TRAPPC9: variants seen among roughly 807,000 people sequenced by gnomAD.
The protein encoded by TRAPPC9 is IKK2 binding protein.
Under a neutral mutation model 124.0 loss-of-function variants are expected in TRAPPC9, and 83 were observed. The ratio of observed to expected loss-of-function variants is 0.67; its 90% confidence interval spans 0.56 to 0.80. The LOEUF is 0.80. Among genes scored for constraint, TRAPPC9 ranks in the 30% least tolerant of loss-of-function variants. TRAPPC9 has a pLI of 0.00. For synonymous variants in TRAPPC9, 638 were observed against 617.5 expected (o/e 1.03, Z -0.49); for missense variants, 1,302 against 1,508.3 (o/e 0.86, Z 2.27).
chr8:140,378,520 C>T (rs900659942), intron 7 of TRAPPC9, among the ~76,000 whole-genome samples: 4 of 152,092 alleles, frequency 2.6e-5, no homozygotes, highest in African/African-American at 4.8e-5. Context: ...AGCTTGCAGA[C>T]GGCCTATTGT....
At chr8:140,041,840 C>T (rs986430563) in intron 17 of TRAPPC9, among the ~76,000 whole-genome samples, 7 of 152,046 alleles carry the variant, frequency 4.6e-5, no homozygotes, top group East Asian at 1.9e-4. Context: ...GGTGTGGTGG[C>T]GTGTACCTAT....
At chr8:140,359,366 A>G (rs541628719) in intron 9 of TRAPPC9, among the ~76,000 whole-genome samples, 8 of 152,224 alleles carry the variant, frequency 5.3e-5, no homozygotes, top group South Asian at 4.1e-4. Flanking sequence ...CTGAGCCCCA[A>G]GCGCGTAGGG....
At chr8:140,310,953 G>C (rs898926232) in intron 10 of TRAPPC9, among the ~76,000 whole-genome samples, 1 of 152,020 alleles carries the variant, frequency 6.6e-6, no homozygotes, top group Non-Finnish European at 1.5e-5. Flanking sequence ...TTTCCACCAC[G>C]GTGTAGTGGT....
chr8:140,443,260 C>A (rs1346131930), intron 2 of TRAPPC9, among the ~76,000 whole-genome samples: 2 of 148,894 alleles, frequency 1.3e-5, no homozygotes, highest in Admixed American at 6.8e-5. Context: ...ATGATGAAAC[C>A]CCGTCTCTAC....
rs1048221360 is a variant in TRAPPC9 at position 140,065,790 on chromosome 8, G to C, written c.2557-41711C>G. Among the ~76,000 whole-genome samples, 7 of 152,354 alleles carry C rather than the reference G, an allele frequency of 4.6e-5. 1 individual carries two copies. The highest frequency in any genetic ancestry group is 1.7e-4 in the African/African-American group (7 of 41,584). On this transcript the variant is annotated intron_variant, in intron 17 of 22. Transcript: ENST00000438773. ...ACCACGTCACGTAAGACAGCTGATG[G>C]AGATGTACAAGAAGGTGAATGTTGT...
rs918885070 is a variant in TRAPPC9, at chr8:139,925,415, G to A, written c.2811-15115C>T. On this transcript the variant is annotated intron_variant, in intron 19 of 22. Transcript: ENST00000438773. ...CTGCATAGAAACCTGCAGAAATCTC[G>A]GATTGATCCCTGAGCAAAACAGACC... is the stretch of plus-strand genomic sequence containing the variant. Among the ~76,000 whole-genome samples the A allele has an allele frequency of 1.6e-4, 25 of 152,122 alleles. 1 individual carries two copies. The highest frequency in any genetic ancestry group is 8.3e-4 in the South Asian group (4 of 4,818).
chr8:140,338,073 C>G (rs1037282797), intron 9 of TRAPPC9, among the ~76,000 whole-genome samples: 2 of 152,160 alleles, frequency 1.3e-5, no homozygotes, highest in African/African-American at 4.8e-5. Context: ...CAGATCCCTG[C>G]CACTTAGAAG....
intron 17 of TRAPPC9, among the ~76,000 whole-genome samples, chr8:140,108,517 C>T (rs2060707758): frequency 6.6e-6 from 1 of 152,110 alleles, no homozygotes; most frequent in African/African-American, 2.4e-5. Context: ...CTCCCGCTCG[C>T]CCCCCTTGCC....
At chr8:140,330,105 T>C (rs544798037) in intron 9 of TRAPPC9, among the ~76,000 whole-genome samples, 1 of 151,892 alleles carries the variant, frequency 6.6e-6, no homozygotes, top group East Asian at 1.9e-4. Flanking sequence ...ACCTCAATGC[T>C]ATATGTTCAC....
intron 9 of TRAPPC9, among the ~76,000 whole-genome samples, chr8:140,346,213 T>C (rs893912826): frequency 6.6e-6 from 1 of 151,800 alleles, no homozygotes. Context: ...AGGGTGAGGG[T>C]GTGGGAAGCA....
chr8:139,736,094 C>G (rs1282942852), intron 21 of TRAPPC9, among the ~76,000 whole-genome samples: 1 of 152,204 alleles, frequency 6.6e-6, no homozygotes, highest in Non-Finnish European at 1.5e-5. Flanking sequence ...ATCTTGACCT[C>G]CCAGACTGGG....
intron 21 of TRAPPC9, among the ~76,000 whole-genome samples, chr8:139,873,943 G>A (rs1829159542): frequency 6.6e-6 from 1 of 152,236 alleles, no homozygotes; most frequent in Admixed American, 6.5e-5. Flanking sequence ...CAGGACTGGA[G>A]CGCACATCCT....
intron 17 of TRAPPC9, among the ~76,000 whole-genome samples, chr8:140,088,452 C>T (rs988848083): frequency 2.6e-5 from 4 of 152,234 alleles, no homozygotes; most frequent in Admixed American, 6.5e-5. Flanking sequence ...TGGCAAGCCT[C>T]ATCTCCGCTT....
intron 21 of TRAPPC9, among the ~76,000 whole-genome samples, chr8:139,866,849 C>T (rs762804306): frequency 1.1e-4 from 17 of 152,150 alleles, no homozygotes; most frequent in African/African-American, 2.2e-4. Flanking sequence ...GGAACAGCAA[C>T]ATCCCAATAT....
At chr8:140,150,669 T>G (rs888060600) in intron 17 of TRAPPC9, among the ~76,000 whole-genome samples, 1 of 152,094 alleles carries the variant, frequency 6.6e-6, no homozygotes, top group African/African-American at 2.4e-5. Context: ...AAAGATCACA[T>G]GGGTGACAAC....
rs113072129 is a variant in TRAPPC9 at position 140,300,212 on chromosome 8, G to C, written c.1768+257C>G. ...ACATCTGTGCACACATCCACACATG[G>C]ACACATGTAAACACACATATGCATG... is the stretch of plus-strand genomic sequence containing the variant. On this transcript the variant is annotated intron_variant, in intron 11 of 22. Coordinates refer to ENST00000438773, the MANE Select transcript of TRAPPC9 (RefSeq NM_001160372.4). 0.033 allele frequency among the ~76,000 whole-genome samples: 5,065 copies of C among 151,840 alleles called. 285 individuals are homozygous for C. The highest frequency in any genetic ancestry group is 0.11 in the African/African-American group (4,730 of 41,384).
intron 21 of TRAPPC9, among the ~76,000 whole-genome samples, chr8:139,774,282 G>A (rs1333069373): frequency 6.6e-6 from 1 of 152,240 alleles, no homozygotes; most frequent in Non-Finnish European, 1.5e-5. Flanking sequence ...ACACCGAGTA[G>A]GGACAGGTGG....
At chr8:140,052,023 T>C (rs189117748) in intron 17 of TRAPPC9, among the ~76,000 whole-genome samples, 4 of 151,926 alleles carry the variant, frequency 2.6e-5, no homozygotes, top group East Asian at 1.9e-4. Context: ...CCAGCACCAG[T>C]AGTTAAGAAA....
chr8:140,010,636 G>T (rs1334967802), intron 18 of TRAPPC9, among the ~76,000 whole-genome samples: 1 of 152,140 alleles, frequency 6.6e-6, no homozygotes, highest in African/African-American at 2.4e-5. Flanking sequence ...TACACAGTGA[G>T]ATATTTCACA....
Sources: allele counts gnomAD v4.1 joint callset (sites outside exome capture counted in the v4.1 genomes callset), GRCh38; gene constraint gnomAD v4.1.1; transcripts MANE v1.5; gene names NCBI Gene and HGNC (gene_info 2026-07-23, HGNC 2026-07-21).